The following CEP85L variants were observed in gnomAD, a reference collection of about 807,000 sequenced individuals.
CEP85L encodes centrosomal protein 85L.
In CEP85L, 60 loss-of-function variants were observed where a neutral mutation model predicts 100.3. The ratio of observed to expected loss-of-function variants is 0.60; its 90% confidence interval spans 0.49 to 0.74. The LOEUF (loss-of-function observed/expected upper bound fraction) is 0.74. Among genes scored for constraint, CEP85L ranks in the 30% least tolerant of loss-of-function variants. CEP85L has a pLI of 0.00. For synonymous variants in CEP85L, 319 were observed against 322.7 expected, an observed-to-expected ratio of 0.99 and a Z score of 0.12; for missense variants, 973 against 936.2, an observed-to-expected ratio of 1.04 and a Z score of -0.51.
At chr6:118,703,167 G>T (rs971528742) in intron 1 of CEP85L, among the ~76,000 whole-genome samples, 1 of 151,674 alleles carries the variant, frequency 6.6e-6, no homozygotes, top group Non-Finnish European at 1.5e-5. Context: ...TTGGTGGGGG[G>T]GATTACTATT....
intron 2 of CEP85L, among the ~76,000 whole-genome samples, chr6:118,613,250 G>C (rs1772774823): frequency 6.6e-6 from 1 of 151,802 alleles, no homozygotes; most frequent in Admixed American, 6.6e-5. Flanking sequence ...AATGAAACAG[G>C]AGACATCACC....
intron 1 of CEP85L, among the ~76,000 whole-genome samples, chr6:118,639,334 A>G (rs945388903): frequency 3.3e-5 from 5 of 152,218 alleles, no homozygotes; most frequent in African/African-American, 1.2e-4. Context: ...TCTTCTACTT[A>G]CATAGATCTG....
At chr6:118,493,031 T>C (rs535973230) in intron 5 of CEP85L, among the ~76,000 whole-genome samples, 167 of 152,218 alleles carry the variant, frequency 1.1e-3, no homozygotes, top group African/African-American at 3.9e-3. Context: ...GATTGTAATA[T>C]AGAACAGAAT....
chr6:118,601,263 C>T (rs184270016), intron 2 of CEP85L, among the ~76,000 whole-genome samples: 3 of 152,306 alleles, frequency 2.0e-5, no homozygotes, highest in Admixed American at 2.0e-4. Context: ...TAGTTATTGT[C>T]AAATTGCCCT....
At chr6:118,532,524 TA>T (rs1364463061) in intron 3 of CEP85L, among the ~76,000 whole-genome samples, 3 of 152,150 alleles carry the variant, frequency 2.0e-5, no homozygotes, top group Non-Finnish European at 4.4e-5. Flanking sequence ...AAGGTTGGAA[TA>T]AAAAAGTTTG....
intron 4 of CEP85L, among the ~76,000 whole-genome samples, chr6:118,520,547 A>G (rs1306089547): frequency 2.0e-5 from 3 of 152,184 alleles, no homozygotes; most frequent in African/African-American, 7.2e-5. Context: ...TGTGCTGTTA[A>G]CATTCAAATT....
intron 1 of CEP85L, among the ~76,000 whole-genome samples, chr6:118,680,601 G>T (rs1776626009): frequency 6.6e-6 from 1 of 152,164 alleles, no homozygotes; most frequent in African/African-American, 2.4e-5. Flanking sequence ...TCTGGGCAGG[G>T]CACAGTGGCT....
intron 2 of CEP85L, among the ~76,000 whole-genome samples, chr6:118,628,154 A>G (rs1330846416): frequency 6.6e-6 from 1 of 152,174 alleles, no homozygotes; most frequent in Non-Finnish European, 1.5e-5. Flanking sequence ...AAAAATAAAA[A>G]GTACAAGGCA....
chr6:118,588,622 A>G (rs947188023), intron 2 of CEP85L, among the ~76,000 whole-genome samples: 1 of 152,204 alleles, frequency 6.6e-6, no homozygotes, highest in Non-Finnish European at 1.5e-5. Flanking sequence ...AATGAATTCC[A>G]GTCTTCTTTA....
intron 5 of CEP85L, among the ~76,000 whole-genome samples, chr6:118,510,564 A>C (rs552143918): frequency 6.6e-6 from 1 of 152,248 alleles, no homozygotes; most frequent in South Asian, 2.1e-4. Flanking sequence ...AAGGGCAAAA[A>C]TCCAAGTTTA....
intron 3 of CEP85L, among the ~76,000 whole-genome samples, chr6:118,528,031 T>C (rs1777074387): frequency 6.6e-6 from 1 of 152,092 alleles, no homozygotes; most frequent in African/African-American, 2.4e-5. Context: ...CCACACCATA[T>C]TATTTGAAGC....
In CEP85L at chr6:118,633,329, G is replaced by A. The variant is rs573074593; in HGVS notation, c.74-718C>T. On this transcript the variant is annotated intron_variant, in intron 1 of 12. Coordinates refer to ENST00000368491, the MANE Select transcript of CEP85L (RefSeq NM_001042475.3). The stretch of plus-strand genomic sequence containing the variant: ...ACGCCATTCTCCTGCCTCAGCCTCC[G>A]GAGCAGCTGAGACTACAGGTGCCCA... 4.0e-5 allele frequency among the ~76,000 whole-genome samples: 6 copies of A among 151,236 alleles called. No homozygotes were observed. In the East Asian group the frequency reaches 5.9e-4, roughly 15 times the overall value.
chr6:118,692,519 G>A (rs1235170165), intron 1 of CEP85L, among the ~76,000 whole-genome samples: 3 of 152,104 alleles, frequency 2.0e-5, no homozygotes, highest in Non-Finnish European at 4.4e-5. Flanking sequence ...AAGAAGAGAT[G>A]CTCTCTCATT....
chr6:118,670,436 T>TTTG (rs758673599), intron 1 of CEP85L, among the ~76,000 whole-genome samples: 4 of 151,918 alleles, frequency 2.6e-5, no homozygotes, highest in East Asian at 1.9e-4. Flanking sequence ...TGTGTTTCCT[T>TTTG]TTGTTGTTGT....
intron 5 of CEP85L, among the ~76,000 whole-genome samples, chr6:118,508,284 GAAAGA>G (rs1025317841): frequency 1.7e-4 from 26 of 152,000 alleles, no homozygotes; most frequent in Admixed American, 5.2e-4. Flanking sequence ...GAATAAAATG[GAAAGA>G]AAAGAAATGA....
intron 1 of CEP85L, among the ~76,000 whole-genome samples, chr6:118,665,137 A>T (rs749840738): frequency 2.6e-5 from 4 of 152,044 alleles, no homozygotes; most frequent in Admixed American, 1.3e-4. Context: ...GGGGAGTAAG[A>T]GGAGGGACGG....
intron 6 of CEP85L, among the ~76,000 whole-genome samples, chr6:118,491,012 A>T (rs1774517728): frequency 6.6e-6 from 1 of 152,132 alleles, no homozygotes; most frequent in Non-Finnish European, 1.5e-5. Flanking sequence ...TTTTTTATGT[A>T]ATGACGTCTA....
At chr6:118,620,921 A>T (rs939499293) in intron 2 of CEP85L, among the ~76,000 whole-genome samples, 16 of 152,164 alleles carry the variant, frequency 1.1e-4, no homozygotes, top group Admixed American at 9.8e-4. Context: ...ATATTATCCA[A>T]AGCTGGAGCT....
At chr6:118,580,638 A>T (rs1170064453) in intron 2 of CEP85L, among the ~76,000 whole-genome samples, 1 of 152,180 alleles carries the variant, frequency 6.6e-6, no homozygotes, top group East Asian at 1.9e-4. Flanking sequence ...CCGTTGCGCA[A>T]GGCTGGGAAA....
Sources: allele counts gnomAD v4.1 joint callset (sites outside exome capture counted in the v4.1 genomes callset), GRCh38; gene constraint gnomAD v4.1.1; transcripts MANE v1.5; gene names NCBI Gene and HGNC (gene_info 2026-07-23, HGNC 2026-07-21).